Variants in KCNQ1OT1 observed in about 807,000 individuals in gnomAD.
KCNQ1OT1 encodes KCNQ1 opposite strand/antisense transcript 1, also known as KCNQ1 antisense RNA 2 (non-protein coding).
At position 2,653,320 on chromosome 11, in the gene KCNQ1OT1, T is replaced by C. The variant is rs189989708; in HGVS notation, n.46675A>G. On this transcript the variant is annotated non_coding_transcript_exon_variant, in exon 1 of 1. Transcript: ENST00000597346. This position sits in a 1 kb window ranked among gnomAD's most constrained non-coding sequence, Gnocchi z 5.3. ...AGTTTAGCTATTTTGTAACCTTGAC[T>C]GCCCCCAGGCCCATGTCCGTAGGCT... 87 of 398,720 alleles carry C rather than the reference T, an allele frequency of 2.2e-4. No individual in the cohort carries two copies. The highest frequency in any genetic ancestry group is 1.3e-3 in the Middle Eastern group (2 of 1,592). 24.7% of individuals were successfully genotyped at this position (398,720 alleles called of 1,614,324 possible). A position where few individuals can be genotyped will look rare whatever the true frequency, so the allele number is the denominator to read the frequency against.
At position 2,627,220 on chromosome 11, in the gene KCNQ1OT1, A is replaced by G. The variant is rs1589989945; in HGVS notation, n.72775T>C. 2.5e-6 allele frequency: 1 copy of G among 398,432 alleles called. No homozygotes were observed. The highest frequency in any genetic ancestry group is 4.4e-5 in the Admixed American group (1 of 22,708). 24.7% of individuals were successfully genotyped at this position (398,432 alleles called of 1,614,324 possible). A position where few individuals can be genotyped will look rare whatever the true frequency, so the allele number is the denominator to read the frequency against. The stretch of plus-strand genomic sequence containing the variant: ...GGTATAATTGACAAATTAAAAGTGC[A>G]TATATTTAAGAACATATTTGACCTA... On this transcript the variant is annotated non_coding_transcript_exon_variant, in exon 1 of 1. Coordinates refer to ENST00000597346, the Ensembl canonical transcript of KCNQ1OT1. This position sits in a 1 kb window ranked among gnomAD's most constrained non-coding sequence, Gnocchi z 4.9.
chr11:2,681,909 A>T, exon 1 of KCNQ1OT1: 1 of 398,650 alleles, frequency 2.5e-6, no homozygotes, highest in African/African-American at 2.1e-5. Flanking sequence ...GGCCATAATG[A>T]ACACACGTTT....
chr11:2,645,044 CA>C lies in KCNQ1OT1; in HGVS notation n.54950del. 1 of 398,782 alleles carries C rather than the reference CA, an allele frequency of 2.5e-6. No homozygotes were observed. The highest frequency in any genetic ancestry group is 2.1e-5 in the African/African-American group (1 of 48,742). 24.7% of individuals were successfully genotyped at this position (398,782 alleles called of 1,614,324 possible). ...ATTTTGGGCCTCCAGGCAACTTGCT[CA>C]GGTGCCAATGATGACAGAGCTGGGC... On this transcript the variant is annotated non_coding_transcript_exon_variant, in exon 1 of 1. Transcript: ENST00000597346. This position sits in a 1 kb window ranked among gnomAD's most constrained non-coding sequence, Gnocchi z 5.8.
Position 2,687,133 on chromosome 11 carries a change from G to T in KCNQ1OT1, n.12862C>A. 2.5e-6 allele frequency: 1 copy of T among 398,644 alleles called. No individual in the cohort carries two copies. The highest frequency in any genetic ancestry group is 4.4e-6 in the Non-Finnish European group (1 of 226,074). The allele number at this position is 398,644 out of a possible 1,614,324, so 24.7% of individuals were successfully genotyped here. ...TGACACACAAACTGCACAGGGAGGGGAGGAATCTGAGCCAGCTTCCTCCAC... is the reference window on the plus strand; with the variant it reads ...TGACACACAAACTGCACAGGGAGGGTAGGAATCTGAGCCAGCTTCCTCCAC... On this transcript the variant is annotated non_coding_transcript_exon_variant, in exon 1 of 1. Coordinates refer to ENST00000597346, the Ensembl canonical transcript of KCNQ1OT1. This position sits in a 1 kb window ranked among gnomAD's most constrained non-coding sequence, Gnocchi z 5.0.
rs1167505141 is a variant in KCNQ1OT1 at position 2,610,716 on chromosome 11, CTTTTTTTTTTTTTTTT to C, written n.89263_89278del. On this transcript the variant is annotated non_coding_transcript_exon_variant, in exon 1 of 1. Coordinates refer to ENST00000597346, the Ensembl canonical transcript of KCNQ1OT1. The stretch of plus-strand genomic sequence containing the variant: ...TTCTGGACACAGTATTCTTGGTTGG[CTTTTTTTTTTTTTTTT>C]TTTTTTTTTTTTTACTTTGAGCACT... 7.4e-5 allele frequency: 17 copies of C among 230,184 alleles called. No individual in the cohort carries two copies. The South Asian group carries it at 3.6e-3, about 49-fold the overall frequency. The allele number at this position is 230,184 out of a possible 1,614,324, so 14.3% of individuals were successfully genotyped here. A position where few individuals can be genotyped will look rare whatever the true frequency, so the allele number is the denominator to read the frequency against.
In KCNQ1OT1 at chr11:2,695,732, G is replaced by A; in HGVS notation, n.4263C>T. Reference sequence around the variant, plus strand: ...TCCGTCCCCACCTGCAGCACACAGGGAGGCTTGTTCCTTGCCTTCTGCCAA... The same window carrying A: ...TCCGTCCCCACCTGCAGCACACAGGAAGGCTTGTTCCTTGCCTTCTGCCAA... On this transcript the variant is annotated non_coding_transcript_exon_variant, in exon 1 of 1. Coordinates refer to ENST00000597346, the Ensembl canonical transcript of KCNQ1OT1. This position sits in a 1 kb window ranked among gnomAD's most constrained non-coding sequence, Gnocchi z 5.2. The A allele has an allele frequency of 2.5e-6, 1 of 398,666 alleles. No individual in the cohort carries two copies. The highest frequency in any genetic ancestry group is 4.4e-6 in the Non-Finnish European group (1 of 226,086). 24.7% of individuals were successfully genotyped at this position (398,666 alleles called of 1,614,324 possible).
chr11:2,672,783 A>C, exon 1 of KCNQ1OT1: 1 of 398,782 alleles, frequency 2.5e-6, no homozygotes, highest in Non-Finnish European at 4.4e-6. Flanking sequence ...CCCGCAACAG[A>C]TCCAACCAGT....
At chr11:2,630,244 A>G in exon 1 of KCNQ1OT1, 1 of 398,252 alleles carries the variant, frequency 2.5e-6, no homozygotes. Context: ...AACTGTCCTT[A>G]TGTACTAAGG....
chr11:2,667,855 A>G (rs1463419643), exon 1 of KCNQ1OT1: 2 of 398,540 alleles, frequency 5.0e-6, no homozygotes, highest in East Asian at 3.6e-5. Context: ...GGTAATGTGC[A>G]TGCACACAGA....
At chr11:2,628,446 TG>T (rs1849295559) in exon 1 of KCNQ1OT1, 2 of 398,514 alleles carry the variant, frequency 5.0e-6, no homozygotes, top group Non-Finnish European at 8.8e-6. Flanking sequence ...TTTGAATAAA[TG>T]TCTATTCAGT....
At chr11:2,638,901 C>G (rs1849523934) in exon 1 of KCNQ1OT1, 1 of 152,152 alleles carries the variant, frequency 6.6e-6, no homozygotes, top group African/African-American at 2.4e-5. Context: ...TTCTTGGAGG[C>G]TTTGTTCGTT....
At chr11:2,614,172 C>G (rs1328060165) in exon 1 of KCNQ1OT1, 1 of 398,430 alleles carries the variant, frequency 2.5e-6, no homozygotes, top group Non-Finnish European at 4.4e-6. Context: ...AATCTACCCC[C>G]AAGAGGTGAT....
Position 2,654,597 on chromosome 11 carries a change from G to C in KCNQ1OT1, n.45398C>G, listed in dbSNP as rs1849809499. The C allele has an allele frequency of 2.5e-6, 1 of 398,710 alleles. No individual in the cohort carries two copies. The highest frequency in any genetic ancestry group is 4.4e-6 in the Non-Finnish European group (1 of 226,240). The allele number at this position is 398,710 out of a possible 1,614,324, so 24.7% of individuals were successfully genotyped here. A position where few individuals can be genotyped will look rare whatever the true frequency, so the allele number is the denominator to read the frequency against. On this transcript the variant is annotated non_coding_transcript_exon_variant, in exon 1 of 1. Coordinates refer to ENST00000597346, the Ensembl canonical transcript of KCNQ1OT1. This position sits in a 1 kb window ranked among gnomAD's most constrained non-coding sequence, Gnocchi z 6.4. The stretch of plus-strand genomic sequence containing the variant: ...TCAGGAGGGGAAGGGCAGGGGGTGA[G>C]TGGTTGGGTGAAGTTACTAGGAAGG...
rs189024761 is a variant in KCNQ1OT1, at chr11:2,622,294, T to C, written n.77701A>G. The C allele has an allele frequency of 1.3e-5, 5 of 398,378 alleles. No individual in the cohort carries two copies. The East Asian group carries it at 1.4e-4, about 11-fold the overall frequency. 24.7% of individuals were successfully genotyped at this position (398,378 alleles called of 1,614,324 possible). Reference sequence around the variant, plus strand: ...TGAGTAATTTTCCATTTTCTCAGTATGTAATGTCCTCCTTTGTCTCCTATA... The same window carrying C: ...TGAGTAATTTTCCATTTTCTCAGTACGTAATGTCCTCCTTTGTCTCCTATA... On this transcript the variant is annotated non_coding_transcript_exon_variant, in exon 1 of 1. Transcript: ENST00000597346.
In KCNQ1OT1 at chr11:2,664,466, G is replaced by A. The variant is rs1850026697; in HGVS notation, n.35529C>T. ...TCCTCTGGGATACAGGCTGGGTAGA[G>A]GCCCCACTCCATCTGGGGGAGAAGG... On this transcript the variant is annotated non_coding_transcript_exon_variant, in exon 1 of 1. Coordinates refer to ENST00000597346, the Ensembl canonical transcript of KCNQ1OT1. The surrounding 1 kb of genome is among the most constrained non-coding windows in gnomAD (Gnocchi z 5.1). 1 of 398,756 alleles carries A rather than the reference G, an allele frequency of 2.5e-6. No individual in the cohort carries two copies. The allele number at this position is 398,756 out of a possible 1,614,324, so 24.7% of individuals were successfully genotyped here. A position where few individuals can be genotyped will look rare whatever the true frequency, so the allele number is the denominator to read the frequency against.
chr11:2,648,683 T>C, exon 1 of KCNQ1OT1: 1 of 398,552 alleles, frequency 2.5e-6, no homozygotes, highest in Middle Eastern at 6.3e-4. Flanking sequence ...ACCCGTTTTG[T>C]GTCCTAACAT....
rs148158366 is a variant in KCNQ1OT1 at position 2,662,641 on chromosome 11, G to A, written n.37354C>T. ...AGGCCAATCCCCGGTGCCCGGCCAC[G>A]GTGTGATTCCCCTGCGACATGTGAC... On this transcript the variant is annotated non_coding_transcript_exon_variant, in exon 1 of 1. Transcript: ENST00000597346. 1.2e-3 allele frequency: 499 copies of A among 409,192 alleles called. 1 individual carries two copies. Among genetic ancestry groups the A allele is most frequent in the Middle Eastern group, 2.5e-3 (4 of 1,606 alleles). 25.3% of individuals were successfully genotyped at this position (409,192 alleles called of 1,614,324 possible).
rs553236946 is a variant in KCNQ1OT1 at position 2,699,548 on chromosome 11, C to G, written n.447G>C. 63 of 355,238 alleles carry G rather than the reference C, an allele frequency of 1.8e-4. No individual in the cohort carries two copies. Among genetic ancestry groups the G allele is most frequent in the African/African-American group, 1.4e-3 (62 of 44,174 alleles). The allele number at this position is 355,238 out of a possible 1,614,324, so 22.0% of individuals were successfully genotyped here. ...CCGCGCTGAGGAGGCCCAGGGAGGA[C>G]CGCGCGGAGGAGAACCATGCTGAGG... On this transcript the variant is annotated non_coding_transcript_exon_variant, in exon 1 of 1. Transcript: ENST00000597346.
exon 1 of KCNQ1OT1, chr11:2,648,986 T>TC (rs1849713332): frequency 4.7e-6 from 1 of 212,452 alleles, no homozygotes; most frequent in African/African-American, 2.4e-5. Context: ...TTTTTCTTTT[T>TC]TTTTTTTTTT....
Sources: allele counts gnomAD v4.1 joint callset, GRCh38; gene constraint gnomAD v4.1.1; non-coding constraint Gnocchi (gnomAD v3.1); transcripts MANE v1.5; gene names NCBI Gene and HGNC (gene_info 2026-07-23, HGNC 2026-07-21).